The following GRIN3A variants were observed in gnomAD, a reference collection of about 807,000 sequenced individuals.
The protein encoded by GRIN3A is glutamate receptor ionotropic, NMDA 3A.
A neutral mutation model predicts 92.4 loss-of-function variants in GRIN3A; 47 were observed. The observed-to-expected ratio is 0.51, with a 90% confidence interval of 0.40 to 0.65. The LOEUF (loss-of-function observed/expected upper bound fraction) is 0.65. Among genes scored for constraint, GRIN3A ranks in the 30% least tolerant of loss-of-function variants. The probability of loss-of-function intolerance (pLI) is 0.00; values close to 1 mark genes in which losing one functional copy is unlikely to be tolerated. For synonymous variants in GRIN3A, 527 were observed against 540.6 expected (o/e 0.97, Z 0.35); for missense variants, 1,324 against 1,393.1 (o/e 0.95, Z 0.79).
chr9:101,648,012 T>C (rs972744558), intron 3 of GRIN3A, among the ~76,000 whole-genome samples: 3 of 151,972 alleles, frequency 2.0e-5, no homozygotes, highest in Non-Finnish European at 4.4e-5. Context: ...TCATTTTTTC[T>C]TCTATTAATT....
rs1441600699 is a variant in GRIN3A, at chr9:101,737,532, C to T, written c.448G>A (p.Val150Ile). Residue 150 changes from valine (V) to isoleucine (I), a missense_variant, in exon 1 of 9, where the codon GTA (valine) becomes ATA (isoleucine). Coordinates refer to ENST00000361820, the MANE Select transcript of GRIN3A (RefSeq NM_133445.3). ...GLLPYNLSLEVVMAIEAGLGD... is the reference protein window; with the variant it reads ...GLLPYNLSLEIVMAIEAGLGD... Reference sequence around the variant, plus strand: ...AGGCCTGCCTCGATGGCCATCACTACTTCCAAAGACAGGTTGTAGGGTAGC... The same window carrying T: ...AGGCCTGCCTCGATGGCCATCACTATTTCCAAAGACAGGTTGTAGGGTAGC... 1.9e-6 allele frequency: 3 copies of T among 1,614,246 alleles called. No homozygotes were observed. Among genetic ancestry groups the T allele is most frequent in the Middle Eastern group, 1.6e-4 (1 of 6,062 alleles).
chr9:101,642,204 G>T (rs1302658495), intron 3 of GRIN3A, among the ~76,000 whole-genome samples: 1 of 152,044 alleles, frequency 6.6e-6, no homozygotes, highest in Admixed American at 6.6e-5. Context: ...TTCAATGAAG[G>T]TCCCAGGAAT....
intron 2 of GRIN3A, among the ~76,000 whole-genome samples, chr9:101,685,851 A>AT (rs1222126515): frequency 2.0e-5 from 3 of 151,938 alleles, no homozygotes; most frequent in Non-Finnish European, 4.4e-5. Context: ...TCAATCATCA[A>AT]TCACAATGAT....
At chr9:101,595,042 G>A in intron 6 of GRIN3A, 1 of 1,181,992 alleles carries the variant, frequency 8.5e-7, no homozygotes, top group Non-Finnish European at 1.2e-6. Flanking sequence ...GGCTCCCGGG[G>A]GCCCTGGTCG....
rs546682806 is a variant in GRIN3A at position 101,666,027 on chromosome 9, G to A, written c.2352+4033C>T. Among the ~76,000 whole-genome samples, 174 of 152,010 alleles carry A rather than the reference G, an allele frequency of 1.1e-3. 1 individual carries two copies. Among genetic ancestry groups the A allele is most frequent in the Non-Finnish European group, 1.8e-3 (121 of 67,938 alleles). On this transcript the variant is annotated intron_variant, in intron 3 of 8. Transcript: ENST00000361820. ...TCACCTCAGAAAATTAGAATTCAAA[G>A]TATAGAGTGGCATTTGTGGAGCTGC... is the stretch of plus-strand genomic sequence containing the variant.
Position 101,730,788 on chromosome 9 carries a change from A to G in GRIN3A, c.699+6493T>C, listed in dbSNP as rs181901167. Among the ~76,000 whole-genome samples, 11 of 152,308 alleles carry G rather than the reference A, an allele frequency of 7.2e-5. No homozygotes were observed. The East Asian group carries it at 2.1e-3, about 29-fold the overall frequency. On this transcript the variant is annotated intron_variant, in intron 1 of 8. Transcript: ENST00000361820. ...TTCTTTCTAAAATATGTATTTTCAT[A>G]CTGAAGTATTGAAAGTCTAGATGAG...
intron 1 of GRIN3A, among the ~76,000 whole-genome samples, chr9:101,721,387 G>A (rs1830011180): frequency 6.6e-6 from 1 of 152,106 alleles, no homozygotes; most frequent in Non-Finnish European, 1.5e-5. Flanking sequence ...TTCCCAGTCT[G>A]GGGCATGTCC....
intron 3 of GRIN3A, among the ~76,000 whole-genome samples, chr9:101,630,885 C>G (rs1828701586): frequency 6.6e-6 from 1 of 152,208 alleles, no homozygotes; most frequent in African/African-American, 2.4e-5. Context: ...CCTTTGGCAC[C>G]TTGCAGGTAG....
rs10124802 is a variant in GRIN3A, at chr9:101,616,046, A to G, written c.2615-2519T>C. Among the ~76,000 whole-genome samples, 1,347 of 152,250 alleles carry G rather than the reference A, an allele frequency of 8.8e-3. 24 individuals carry two copies. The highest frequency in any genetic ancestry group is 0.031 in the African/African-American group (1,293 of 41,550). ...GTTTCCCCTGTAGAGTATACATTCC[A>G]TTACAGCAGAGACCATATCCACCTT... On this transcript the variant is annotated intron_variant, in intron 5 of 8. Transcript: ENST00000361820.
chr9:101,701,743 A>G (rs942922776), intron 1 of GRIN3A, among the ~76,000 whole-genome samples: 1 of 152,214 alleles, frequency 6.6e-6, no homozygotes, highest in African/African-American at 2.4e-5. Flanking sequence ...AAAAGAAACT[A>G]TCAACAGAGT....
intron 2 of GRIN3A, among the ~76,000 whole-genome samples, chr9:101,676,021 C>T (rs1353763455): frequency 6.6e-6 from 1 of 151,850 alleles, no homozygotes; most frequent in East Asian, 1.9e-4. Flanking sequence ...TTATTTGACA[C>T]ATCAAGTTTT....
At chr9:101,732,853 A>G (rs1789334709) in intron 1 of GRIN3A, among the ~76,000 whole-genome samples, 1 of 152,170 alleles carries the variant, frequency 6.6e-6, no homozygotes, top group African/African-American at 2.4e-5. Flanking sequence ...CTTTTGATCT[A>G]CACTTCTGAT....
At chr9:101,666,048 G>A (rs2417289) in intron 3 of GRIN3A, among the ~76,000 whole-genome samples, 51,147 of 151,728 alleles carry the variant, frequency 0.34, 9,485 homozygotes, top group Non-Finnish European at 0.42. Flanking sequence ...CATTTGTGGA[G>A]CTGCATGAAT....
intron 5 of GRIN3A, among the ~76,000 whole-genome samples, chr9:101,614,445 A>G (rs1250882622): frequency 6.6e-6 from 1 of 152,124 alleles, no homozygotes; most frequent in Non-Finnish European, 1.5e-5. Flanking sequence ...TATGAACTAG[A>G]ACTAGAGGCA....
chr9:101,590,519 T>C (rs1828009902), intron 6 of GRIN3A, among the ~76,000 whole-genome samples: 1 of 151,978 alleles, frequency 6.6e-6, no homozygotes, highest in South Asian at 2.1e-4. Flanking sequence ...GTAGCTGGGA[T>C]TACAGGCACG....
intron 8 of GRIN3A, among the ~76,000 whole-genome samples, chr9:101,576,575 A>AT (rs751645917): frequency 1.3e-3 from 200 of 152,166 alleles, no homozygotes; most frequent in Middle Eastern, 3.4e-3. Flanking sequence ...GAAAACAAAT[A>AT]TTTTTTCATT....
At chr9:101,584,329 G>A (rs1827923975) in intron 6 of GRIN3A, among the ~76,000 whole-genome samples, 1 of 152,108 alleles carries the variant, frequency 6.6e-6, no homozygotes, top group South Asian at 2.1e-4. Context: ...TATTCATTAT[G>A]TTTCTTTAGC....
intron 8 of GRIN3A, 106 bp from the exon 9 acceptor site, chr9:101,573,619 A>G (rs937576794): frequency 4.5e-6 from 4 of 893,706 alleles, no homozygotes; most frequent in Non-Finnish European, 7.2e-6. Flanking sequence ...CTGGGTGTGC[A>G]TTTAGAGATG....
intron 1 of GRIN3A, among the ~76,000 whole-genome samples, chr9:101,692,536 A>C (rs969756949): frequency 6.6e-6 from 1 of 152,204 alleles, no homozygotes; most frequent in Non-Finnish European, 1.5e-5. Flanking sequence ...AAAAGATGCA[A>C]TTCTCTCAGC....
Sources: gnomAD v4.1 joint callset for allele counts (sites outside exome capture counted in the v4.1 genomes callset) on GRCh38, gnomAD v4.1.1 for gene constraint, MANE v1.5 for transcripts, NCBI Gene and HGNC (gene_info 2026-07-23, HGNC 2026-07-21) for gene names.